Variants in CDK10 observed in about 807,000 individuals in gnomAD.
CDK10 encodes cyclin dependent kinase 10.
In CDK10, 55 loss-of-function variants were observed where a neutral mutation model predicts 51.0. That is an observed-to-expected ratio of 1.08 (90% CI 0.87 to 1.35). The LOEUF is 1.35. CDK10 is among the 40% of genes most tolerant of loss of function. CDK10 has a pLI of 0.00. For synonymous variants in CDK10, 255 were observed against 199.1 expected, an observed-to-expected ratio of 1.28 and a Z score of -2.36; for missense variants, 589 against 485.1, an observed-to-expected ratio of 1.21 and a Z score of -2.01.
chr16:89,694,292 C>T, intron 9 of CDK10, 60 bp downstream of exon 9: 1 of 1,547,752 alleles, frequency 6.5e-7, no homozygotes, highest in Non-Finnish European at 8.9e-7. Context: ...GGAGCCGGGT[C>T]ACCTGGTTCC....
intron 6 of CDK10, 30 bp from the exon 7 acceptor site, chr16:89,693,244 G>A (rs770516048): frequency 6.0e-5 from 97 of 1,612,952 alleles, no homozygotes; most frequent in Non-Finnish European, 8.0e-5. Flanking sequence ...GGCCCTCTGG[G>A]AGCCACCTGC....
intron 11 of CDK10, 100 bp downstream of exon 11, chr16:89,695,170 G>C: frequency 6.5e-7 from 1 of 1,542,660 alleles, no homozygotes; most frequent in Non-Finnish European, 8.8e-7. Flanking sequence ...CCCCTCCCCA[G>C]GCACAGCCGC....
intron 2 of CDK10, chr16:89,689,652 ACTCTGGAGGAGTCAC>A: frequency 3.6e-6 from 1 of 276,690 alleles, no homozygotes; most frequent in South Asian, 4.7e-5. Flanking sequence ...CACCTCAGCA[ACTCTGGAGGAGTCAC>A]CTGAGCCCAG....
rs1334230966 is a variant in CDK10, at chr16:89,695,785, C to T, written c.*93C>T. 5 of 1,574,814 alleles carry T rather than the reference C, an allele frequency of 3.2e-6. No individual in the cohort carries two copies. The highest frequency in any genetic ancestry group is 2.3e-5 in the South Asian group (2 of 86,586). ...CCGCGAGCCAGGCTGACCAGGCGCC[C>T]GGGATCCAGCTCATCCCCTTGGCTG... On this transcript the variant is annotated 3_prime_UTR_variant, in exon 13 of 13. Coordinates refer to ENST00000353379, the MANE Select transcript of CDK10 (RefSeq NM_052988.5).
At chr16:89,689,124 C>T (rs771515151) in intron 1 of CDK10, 128 bp from the exon 2 acceptor site, 79 of 784,156 alleles carry the variant, frequency 1.0e-4, no homozygotes, top group South Asian at 1.9e-4. Flanking sequence ...AAAGCCCAAA[C>T]GTGTGGTTGC....
Position 89,694,724 on chromosome 16 carries a change from C to A in CDK10, c.728C>A (p.Ser243Tyr). 6.3e-7 allele frequency: 1 copy of A among 1,581,706 alleles called. No homozygotes were observed. The highest frequency in any genetic ancestry group is 8.6e-7 in the Non-Finnish European group (1 of 1,164,446). Residue 243 changes from serine to tyrosine, a missense_variant, in exon 10 of 13, where the codon TCC (serine) becomes TAC (tyrosine). Transcript: ENST00000353379. ...LAHRPLLPGT[S>Y]EIHQIDLIVQ... ...CACAGGCCTCTTCTCCCCGGCACTT[C>A]CGAGATCCACCAGATCGACTTGATC...
rs564933312 is a variant in CDK10, at chr16:89,696,198, G to C, written c.*506G>C. 4.7e-4 allele frequency: 142 copies of C among 305,040 alleles called. No individual in the cohort carries two copies. The highest frequency in any genetic ancestry group is 2.9e-3 in the African/African-American group (135 of 46,772). 18.9% of individuals were successfully genotyped at this position (305,040 alleles called of 1,614,324 possible). ...ACAAGAGGGACAAGGTATGGGGTGGGAGCCACAATTGAGGATACCCCGAGA... is the reference window on the plus strand; with the variant it reads ...ACAAGAGGGACAAGGTATGGGGTGGCAGCCACAATTGAGGATACCCCGAGA... On this transcript the variant is annotated 3_prime_UTR_variant, in exon 13 of 13. Transcript: ENST00000353379.
chr16:89,696,117 C>T lies in CDK10; in HGVS notation c.*425C>T, dbSNP rs149703328. On this transcript the variant is annotated 3_prime_UTR_variant, in exon 13 of 13. Coordinates refer to ENST00000353379, the MANE Select transcript of CDK10 (RefSeq NM_052988.5). ...CCCTCTCAGTCGCCCGGGGCTGTCC[C>T]GTGCATGGGTTGGCTGTGGGGACCC... 24 of 424,386 alleles carry T rather than the reference C, an allele frequency of 5.7e-5. No homozygotes were observed. Among genetic ancestry groups the T allele is most frequent in the East Asian group, 2.8e-4 (6 of 21,310 alleles). The allele number at this position is 424,386 out of a possible 1,614,324, so 26.3% of individuals were successfully genotyped here.
At position 89,693,483 on chromosome 16, in the gene CDK10, G is replaced by C. The variant is rs753068651; in HGVS notation, c.608+16G>C. On this transcript the variant is annotated intron_variant, in intron 8 of 12. Coordinates refer to ENST00000353379, the MANE Select transcript of CDK10 (RefSeq NM_052988.5). ...TCACTCTCTGGTAAGTCCTTCTGAA[G>C]CATGGTGGCCCCTGGGGACCAGGCC... 6.8e-6 allele frequency: 11 copies of C among 1,613,350 alleles called. No individual in the cohort carries two copies. The East Asian group carries it at 2.5e-4, about 36-fold the overall frequency.
chr16:89,692,472 G>A lies in CDK10; in HGVS notation c.441G>A (p.Val147=). ...EAQVKCIVLQ[V]LRGLQYLHRN... ...AGGTCAAGTGCATCGTGCTGCAGGTGCTCCGGGGCCTCCAGTATCTGCACA... is the reference window on the plus strand; with the variant it reads ...AGGTCAAGTGCATCGTGCTGCAGGTACTCCGGGGCCTCCAGTATCTGCACA... The change falls in exon 6 of 13, where the codon GTG becomes GTA. Residue 147 remains valine, a synonymous_variant. Coordinates refer to ENST00000353379, the MANE Select transcript of CDK10 (RefSeq NM_052988.5). The A allele has an allele frequency of 6.3e-7, 1 of 1,597,092 alleles. No homozygotes were observed. Among genetic ancestry groups the A allele is most frequent in the Non-Finnish European group, 8.5e-7 (1 of 1,171,500 alleles).
At chr16:89,692,574 G>A (rs1019189731) in intron 6 of CDK10, 58 bp downstream of exon 6, 5 of 1,323,276 alleles carry the variant, frequency 3.8e-6, no homozygotes, top group African/African-American at 1.5e-5. Flanking sequence ...TAACTCTGCT[G>A]CCCCTGTGGA....
intron 5 of CDK10, 88 bp downstream of exon 5, chr16:89,691,975 T>C: frequency 9.4e-7 from 1 of 1,065,328 alleles, no homozygotes. Context: ...ACTTGGGGAC[T>C]TGAAGAGCTG....
chr16:89,694,322 G>A, intron 9 of CDK10, 90 bp downstream of exon 9: 1 of 1,359,056 alleles, frequency 7.4e-7, no homozygotes, highest in African/African-American at 1.4e-5. Context: ...CCTCAGGGGA[G>A]GGGCAGGAGT....
chr16:89,695,601 A>T lies in CDK10; in HGVS notation c.992A>T (p.Glu331Val), dbSNP rs1424997818. ...TGAACCCTTCTCCCTGCAGCCTGTG[A>T]GCCGGAGCTCATGCCGACCTTTCCC... ...SYFKEKPLPC[E>V]PELMPTFPHH... The change falls in exon 13 of 13, where the codon GAG becomes GTG. Residue 331 changes from glutamate to valine, a missense_variant. Coordinates refer to ENST00000353379, the MANE Select transcript of CDK10 (RefSeq NM_052988.5). 1.2e-6 allele frequency: 2 copies of T among 1,603,558 alleles called. No homozygotes were observed. Among genetic ancestry groups the T allele is most frequent in the Non-Finnish European group, 1.7e-6 (2 of 1,176,708 alleles).
chr16:89,694,149 T>C (rs2060584186), intron 8 of CDK10, 24 bp from the exon 9 acceptor site: 1 of 1,612,926 alleles, frequency 6.2e-7, no homozygotes, highest in East Asian at 2.2e-5. Context: ...CCGGCTGTAT[T>C]GAGGTGGGTG....
At chr16:89,692,599 A>G (rs2060501906) in intron 6 of CDK10, 83 bp downstream of exon 6, 7 of 1,016,340 alleles carry the variant, frequency 6.9e-6, no homozygotes, top group Non-Finnish European at 8.5e-6. Context: ...CTAAAAGCTC[A>G]GGGGTTCCCA....
Position 89,688,580 on chromosome 16 carries a change from C to T in CDK10, c.88-672C>T, listed in dbSNP as rs1567510965. Among the ~76,000 whole-genome samples the T allele has an allele frequency of 2.0e-5, 3 of 152,140 alleles. No homozygotes were observed. The East Asian group carries it at 5.8e-4, about 29-fold the overall frequency. On this transcript the variant is annotated intron_variant, in intron 1 of 12. Transcript: ENST00000353379. ...CTGAGGTGAGAAGAGGTGAAAGCTT[C>T]CTTTCACCTGGAAGTCACACGGTCC...
rs780959674 is a variant in CDK10 at position 89,691,476 on chromosome 16, T to C, written c.266T>C (p.Leu89Pro). 6.2e-7 allele frequency: 1 copy of C among 1,613,610 alleles called. No individual in the cohort carries two copies. Among genetic ancestry groups the C allele is most frequent in the Admixed American group, 1.7e-5 (1 of 59,962 alleles). ...ATCAGCAGCTTGCGGGAGATCACGC[T>C]GCTGCTCCGCCTGCGTCATCCGAAC... ...IPISSLREIT[L>P]LLRLRHPNIV... is the part of the protein sequence containing the mutation. Residue 89 changes from leucine to proline, a missense_variant, in exon 4 of 13, where the codon CTG becomes CCG. Coordinates refer to ENST00000353379, the MANE Select transcript of CDK10 (RefSeq NM_052988.5).
chr16:89,694,716 C>T lies in CDK10; in HGVS notation c.720C>T (p.Pro240=), dbSNP rs777279849. 28 of 1,583,164 alleles carry T rather than the reference C, an allele frequency of 1.8e-5. No homozygotes were observed. The highest frequency in any genetic ancestry group is 3.5e-5 in the South Asian group (3 of 86,644). ...TGCTGGCGCACAGGCCTCTTCTCCCCGGCACTTCCGAGATCCACCAGATCG... is the reference window on the plus strand; with the variant it reads ...TGCTGGCGCACAGGCCTCTTCTCCCTGGCACTTCCGAGATCCACCAGATCG... ...AELLAHRPLL[P]GTSEIHQIDL... is the part of the protein sequence containing the mutation. The change falls in exon 10 of 13, where the codon CCC becomes CCT. Residue 240 remains proline (P), a synonymous_variant. Transcript: ENST00000353379.
Sources: gnomAD v4.1 joint callset for allele counts (sites outside exome capture counted in the v4.1 genomes callset) on GRCh38, gnomAD v4.1.1 for gene constraint, MANE v1.5 for transcripts, NCBI Gene and HGNC (gene_info 2026-07-23, HGNC 2026-07-21) for gene names.